Variants in PTPN23 observed in about 807,000 individuals in gnomAD.
PTPN23 encodes protein tyrosine phosphatase non-receptor type 23.
A neutral mutation model predicts 156.3 loss-of-function variants in PTPN23; 72 were observed. The ratio of observed to expected loss-of-function variants is 0.46; its 90% CI spans 0.38 to 0.56. The LOEUF (loss-of-function observed/expected upper bound fraction) is 0.56. Ranked by LOEUF, PTPN23 falls within the 20% of genes least tolerant of loss-of-function variation. The pLI, the probability that PTPN23 is intolerant of heterozygous loss-of-function variation, is 0.00. For synonymous variants in PTPN23, 957 were observed against 899.6 expected (o/e 1.06, Z -1.14); for missense variants, 1,974 against 2,171.5 (o/e 0.91, Z 1.81).
At chr3:47,386,446 A>T (rs1036522895) in intron 1 of PTPN23, among the ~76,000 whole-genome samples, 1 of 152,140 alleles carries the variant, frequency 6.6e-6, no homozygotes, top group African/African-American at 2.4e-5. Flanking sequence ...GATTACAGGC[A>T]TGAGCTACCG....
chr3:47,381,313 G>T (rs879025431), intron 1 of PTPN23, 133 bp downstream of exon 1: 6 of 1,290,760 alleles, frequency 4.6e-6, no homozygotes. Flanking sequence ...AGGGGCCTTC[G>T]CCGGTTTTCC....
At chr3:47,387,847 G>A (rs1314227797) in intron 1 of PTPN23, among the ~76,000 whole-genome samples, 1 of 152,190 alleles carries the variant, frequency 6.6e-6, no homozygotes, top group South Asian at 2.1e-4. Context: ...TATTAGGTCT[G>A]GAGTCAGGAA....
chr3:47,410,888 C>G lies in PTPN23; in HGVS notation c.3090C>G (p.His1030Gln), dbSNP rs1705267064. The G allele has an allele frequency of 1.9e-6, 3 of 1,611,332 alleles. No homozygotes were observed. The Admixed American group carries it at 5.0e-5, about 27-fold the overall frequency. The change falls in exon 20 of 25, where the codon CAC (histidine) becomes CAG (glutamine). Residue 1030 changes from histidine to glutamine, a missense_variant. Physicochemically the swap from His to Gln is conservative, Grantham distance 24. Around this residue, in one of 4 missense-constraint regions of PTPN23, gnomAD observed 731 missense variants for 669.1 expected, o/e 1.09. Transcript: ENST00000265562. ...PGPAQDPLPAHSGALPFPSPG... is the reference protein window; with the variant it reads ...PGPAQDPLPAQSGALPFPSPG... The stretch of plus-strand genomic sequence containing the variant: ...CCGCTCAAGACCCTCTGCCAGCCCA[C>G]TCAGGGGCTCTGCCTTTCCCCAGCC...
In PTPN23 at chr3:47,410,419, C is replaced by G. The variant is rs1232212420; in HGVS notation, c.2621C>G (p.Ala874Gly). ...PPPQFSGPEL[A>G]MAVRPATTTV... Reference sequence around the variant, plus strand: ...CCTCAATTCTCAGGCCCCGAGTTGGCCATGGCGGTTCGGCCAGCCACCACC... The same window carrying G: ...CCTCAATTCTCAGGCCCCGAGTTGGGCATGGCGGTTCGGCCAGCCACCACC... The change falls in exon 20 of 25, where the codon GCC (alanine) becomes GGC (glycine). Residue 874 changes from alanine (A) to glycine (G), a missense_variant. Ala to Gly is a moderately conservative substitution (Grantham distance 60, BLOSUM62 0). Coordinates refer to ENST00000265562, the MANE Select transcript of PTPN23 (RefSeq NM_015466.4). 2 of 1,611,912 alleles carry G rather than the reference C, an allele frequency of 1.2e-6. No individual in the cohort carries two copies. The highest frequency in any genetic ancestry group is 1.7e-6 in the Non-Finnish European group (2 of 1,179,372).
intron 2 of PTPN23, among the ~76,000 whole-genome samples, chr3:47,403,134 T>C (rs1303300920): frequency 2.6e-5 from 4 of 151,196 alleles, no homozygotes; most frequent in African/African-American, 9.7e-5. Context: ...CACTGCAGGC[T>C]CCGCCCCCCG....
chr3:47,408,029 T>G, intron 14 of PTPN23, 74 bp downstream of exon 14: 1 of 1,506,972 alleles, frequency 6.6e-7, no homozygotes, highest in Non-Finnish European at 9.1e-7. Flanking sequence ...CAGGGCTGCC[T>G]ATGCTGGGAG....
intron 1 of PTPN23, among the ~76,000 whole-genome samples, chr3:47,390,512 G>A (rs1212137995): frequency 2.0e-5 from 3 of 152,022 alleles, no homozygotes; most frequent in African/African-American, 4.8e-5. Context: ...CTTTCTCCTC[G>A]TCTGCTGCTG....
intron 2 of PTPN23, 152 bp downstream of exon 2, chr3:47,396,369 G>A: frequency 6.2e-6 from 3 of 481,784 alleles, no homozygotes; most frequent in Non-Finnish European, 1.1e-5. Context: ...GAGGTCAGGA[G>A]TTTGAGACCA....
intron 1 of PTPN23, among the ~76,000 whole-genome samples, chr3:47,394,556 C>G (rs1442785123): frequency 6.6e-6 from 1 of 152,098 alleles, no homozygotes; most frequent in East Asian, 1.9e-4. Context: ...CCAGGCTGAT[C>G]TCTAATTCCT....
chr3:47,407,048 C>A lies in PTPN23; in HGVS notation c.808-82C>A. 6.4e-7 allele frequency: 1 copy of A among 1,566,402 alleles called. No homozygotes were observed. The highest frequency in any genetic ancestry group is 8.8e-7 in the Non-Finnish European group (1 of 1,141,390). On this transcript the variant is annotated intron_variant, in intron 9 of 24. Coordinates refer to ENST00000265562, the MANE Select transcript of PTPN23 (RefSeq NM_015466.4). This position sits in a 1 kb window ranked among gnomAD's most constrained non-coding sequence, Gnocchi z 4.0. Reference sequence around the variant, plus strand: ...CCTGAGCTGCTTGTCATCTGATGGACAGGCAGGGCCGGGTGGGAGGCAGGA... The same window carrying A: ...CCTGAGCTGCTTGTCATCTGATGGAAAGGCAGGGCCGGGTGGGAGGCAGGA...
Position 47,409,449 on chromosome 3 carries a change from C to G in PTPN23, c.1830C>G (p.Asp610Glu). 6.2e-7 allele frequency: 1 copy of G among 1,614,176 alleles called. No homozygotes were observed. The highest frequency in any genetic ancestry group is 8.5e-7 in the Non-Finnish European group (1 of 1,180,042). Residue 610 changes from aspartate (D) to glutamate (E), a missense_variant, in exon 18 of 25, where the codon GAC becomes GAG. By Grantham distance (45) the Asp-to-Glu change is conservative (BLOSUM62 2). This residue lies in a region of PTPN23 where 726 missense variants were observed against 929.5 expected (regional missense o/e 0.78). Transcript: ENST00000265562. The part of the protein sequence containing the change: ...KLFEEQLKKY[D>E]QLKVYLEQNL... ...TCGAGGAGCAGCTGAAAAAGTATGA[C>G]CAGCTGAAGGTGTACCTGGAGCAGA... is the stretch of plus-strand genomic sequence containing the variant.
rs1221567602 is a variant in PTPN23, at chr3:47,409,303, C to T, written c.1783C>T (p.His595Tyr). The change falls in exon 17 of 25, where the codon CAC becomes TAC. Residue 595 changes from histidine (H) to tyrosine (Y), a missense_variant. Physicochemically the swap from His to Tyr is moderately conservative, Grantham distance 83. Coordinates refer to ENST00000265562, the MANE Select transcript of PTPN23 (RefSeq NM_015466.4). ...CACTGCCTCGCTGGTCACCACAGAC[C>T]ACTCAGAGATGAAGGTGGGCTGGGT... ...DITASLVTTD[H>Y]SEMKKLFEEQ... 6.2e-7 allele frequency: 1 copy of T among 1,614,020 alleles called. No individual in the cohort carries two copies. Among genetic ancestry groups the T allele is most frequent in the Non-Finnish European group, 8.5e-7 (1 of 1,180,004 alleles).
chr3:47,382,373 G>T (rs1704562388), intron 1 of PTPN23, among the ~76,000 whole-genome samples: 1 of 149,848 alleles, frequency 6.7e-6, no homozygotes, highest in African/African-American at 2.5e-5. Flanking sequence ...CCAGGCTGGA[G>T]TGCAATGGCA....
chr3:47,386,463 G>T (rs1704654633), intron 1 of PTPN23, among the ~76,000 whole-genome samples: 1 of 152,120 alleles, frequency 6.6e-6, no homozygotes, highest in African/African-American at 2.4e-5. Context: ...ACCGTGCCCA[G>T]CCCACAGTGC....
chr3:47,406,084 G>A lies in PTPN23; in HGVS notation c.546+38G>A. On this transcript the variant is annotated intron_variant, in intron 6 of 24. Transcript: ENST00000265562. This position sits in a 1 kb window ranked among gnomAD's most constrained non-coding sequence, Gnocchi z 5.8. Reference sequence around the variant, plus strand: ...CCTGGTTGGAGTGGAGTTGAATCCAGGGAAGGGGATGGCCAGGGAGGGGGC... The same window carrying A: ...CCTGGTTGGAGTGGAGTTGAATCCAAGGAAGGGGATGGCCAGGGAGGGGGC... 2 of 1,604,318 alleles carry A rather than the reference G, an allele frequency of 1.2e-6. No homozygotes were observed. Among genetic ancestry groups the A allele is most frequent in the South Asian group, 2.2e-5 (2 of 89,692 alleles).
At chr3:47,384,765 ATT>A (rs767237210) in intron 1 of PTPN23, among the ~76,000 whole-genome samples, 7 of 144,026 alleles carry the variant, frequency 4.9e-5, no homozygotes, top group Non-Finnish European at 3.1e-5. Context: ...ACCCGTGTGA[ATT>A]TTTTTTTTTT....
chr3:47,399,371 C>T (rs1253735109), intron 2 of PTPN23, among the ~76,000 whole-genome samples: 1 of 152,050 alleles, frequency 6.6e-6, no homozygotes, highest in Admixed American at 6.6e-5. Context: ...TCAGATTCTG[C>T]CAGTGCAGCT....
chr3:47,389,682 T>G (rs1156410007), intron 1 of PTPN23, among the ~76,000 whole-genome samples: 3 of 151,816 alleles, frequency 2.0e-5, no homozygotes, highest in African/African-American at 7.3e-5. Flanking sequence ...CCACTAAAAA[T>G]ACAAACAATT....
chr3:47,385,197 G>C (rs1704628314), intron 1 of PTPN23, among the ~76,000 whole-genome samples: 1 of 152,168 alleles, frequency 6.6e-6, no homozygotes, highest in Non-Finnish European at 1.5e-5. Flanking sequence ...GAGTGATTTG[G>C]CCTCAGGTAT....
Sources: gnomAD v4.1 joint callset for allele counts (sites outside exome capture counted in the v4.1 genomes callset) on GRCh38, gnomAD v4.1.1 for gene constraint, gnomAD v4.1.1 regional missense constraint, Gnocchi (gnomAD v3.1) non-coding constraint, MANE v1.5 for transcripts, NCBI Gene and HGNC (gene_info 2026-07-23, HGNC 2026-07-21) for gene names.